Variants in SMAP2 observed in about 807,000 individuals in gnomAD.
The protein encoded by SMAP2 is stromal membrane-associated protein 2.
SMAP2 carries 25 observed loss-of-function variants against 56.4 expected under a neutral mutation model. The ratio of observed to expected loss-of-function variants is 0.44; its 90% CI spans 0.32 to 0.62. The LOEUF is 0.62. Among genes scored for constraint, SMAP2 ranks in the 20% least tolerant of loss-of-function variants. The probability of loss-of-function intolerance (pLI) is 0.04; values close to 1 mark genes in which losing one functional copy is unlikely to be tolerated. For missense variants in SMAP2, 388 were observed against 545.6 expected (o/e 0.71, Z 2.88); for synonymous variants, 157 against 181.7 (o/e 0.86, Z 1.09).
chr1:40,410,745 G>A (rs377353640), intron 4 of SMAP2, among the ~76,000 whole-genome samples: 1 of 152,104 alleles, frequency 6.6e-6, no homozygotes, highest in Non-Finnish European at 1.5e-5. Flanking sequence ...TAACACACAG[G>A]GGGACAGACA....
chr1:40,355,331 G>T (rs1478367579), intron 1 of SMAP2, among the ~76,000 whole-genome samples: 1 of 151,926 alleles, frequency 6.6e-6, no homozygotes, highest in African/African-American at 2.4e-5. Flanking sequence ...TTTTGTTTTG[G>T]TCTCTTTTTT....
chr1:40,371,868 G>T (rs1644497910), upstream of SMAP2, among the ~76,000 whole-genome samples: 1 of 152,184 alleles, frequency 6.6e-6, no homozygotes, highest in Non-Finnish European at 1.5e-5. Flanking sequence ...TACTATTAAT[G>T]TTATCATCAT....
At chr1:40,419,676 C>T (rs1436416164) in intron 9 of SMAP2, among the ~76,000 whole-genome samples, 3 of 152,220 alleles carry the variant, frequency 2.0e-5, no homozygotes, top group African/African-American at 7.2e-5. Context: ...ACATACCAGT[C>T]ATACCAGTAG....
chr1:40,383,496 C>G (rs1644620438), intron 1 of SMAP2, among the ~76,000 whole-genome samples: 1 of 152,116 alleles, frequency 6.6e-6, no homozygotes, highest in Admixed American at 6.5e-5. Flanking sequence ...ATTTCTTTCC[C>G]CTTATAGTAT....
At chr1:40,421,922 C>T (rs1645046990) in intron 9 of SMAP2, 54 bp from the exon 10 acceptor site, 1 of 1,611,406 alleles carries the variant, frequency 6.2e-7, no homozygotes, top group South Asian at 1.1e-5. Context: ...GCCTTTTGCA[C>T]TAATTGGCGG....
intron 1 of SMAP2, among the ~76,000 whole-genome samples, chr1:40,352,000 A>T (rs1339424814): frequency 2.0e-5 from 3 of 151,966 alleles, no homozygotes; most frequent in Non-Finnish European, 4.4e-5. Flanking sequence ...TCTCCCCAAG[A>T]CTGCACACAC....
chr1:40,416,525 G>A (rs1190673404), intron 8 of SMAP2, among the ~76,000 whole-genome samples, 184 bp downstream of exon 8: 1 of 152,212 alleles, frequency 6.6e-6, no homozygotes, highest in East Asian at 1.9e-4. Flanking sequence ...TACTTCTGTG[G>A]AGTCTGGGGT....
At chr1:40,371,108 G>T (rs983190639), upstream of SMAP2, among the ~76,000 whole-genome samples, 2 of 152,106 alleles carry the variant, frequency 1.3e-5, no homozygotes, top group African/African-American at 4.8e-5. Context: ...GGGAGGCGGA[G>T]GTTGCAGTGA....
chr1:40,408,787 G>T lies in SMAP2; in HGVS notation c.323+49G>T. On this transcript the variant is annotated intron_variant, in intron 3 of 9. Transcript: ENST00000372718. The surrounding 1 kb of genome is among the most constrained non-coding windows in gnomAD (Gnocchi z 4.3). ...AAGGCTGAGTGGTATTTTGATGCTT[G>T]GGGAGAGTCAGACAAGACTCCAGTC... 3 of 1,473,820 alleles carry T rather than the reference G, an allele frequency of 2.0e-6. No individual in the cohort carries two copies. In the African/African-American group the frequency reaches 4.2e-5, roughly 20 times the overall value. 91.3% of individuals were successfully genotyped at this position (1,473,820 alleles called of 1,614,324 possible).
At chr1:40,348,668 C>T (rs1644398701) in intron 1 of SMAP2, among the ~76,000 whole-genome samples, 1 of 150,246 alleles carries the variant, frequency 6.7e-6, no homozygotes, top group Non-Finnish European at 1.5e-5. Flanking sequence ...CAGAGGGAGA[C>T]TCTGTCCCCC....
intron 1 of SMAP2, among the ~76,000 whole-genome samples, chr1:40,376,827 C>A (rs549148782): frequency 6.6e-6 from 1 of 152,296 alleles, no homozygotes; most frequent in South Asian, 2.1e-4. Context: ...AGTGATTGCT[C>A]ATCTATTAAT....
intron 1 of SMAP2, among the ~76,000 whole-genome samples, chr1:40,379,292 G>A (rs1013179597): frequency 3.3e-5 from 5 of 152,002 alleles, no homozygotes; most frequent in African/African-American, 7.2e-5. Context: ...AATTTCTTAC[G>A]TGACTTTTAA....
At chr1:40,391,815 T>A (rs1420527297) in intron 1 of SMAP2, among the ~76,000 whole-genome samples, 1 of 152,162 alleles carries the variant, frequency 6.6e-6, no homozygotes, top group Non-Finnish European at 1.5e-5. Context: ...TTTTTGTTTT[T>A]AAATATATGA....
Position 40,415,293 on chromosome 1 carries a change from T to C in SMAP2, c.593T>C (p.Ile198Thr), listed in dbSNP as rs1264425312. 8.7e-6 allele frequency: 14 copies of C among 1,613,920 alleles called. No individual in the cohort carries two copies. The highest frequency in any genetic ancestry group is 2.7e-5 in the African/African-American group (2 of 75,046). Reference protein sequence around the residue: ...LGLDAPVACSIANSKTSNTLE... With the variant: ...LGLDAPVACSTANSKTSNTLE... ...CTAGATGCTCCTGTGGCCTGCTCCA[T>C]TGCAAATAGTAAGACCAGCAATACC... is the stretch of plus-strand genomic sequence containing the variant. The change falls in exon 7 of 10, where the codon ATT becomes ACT. Residue 198 changes from isoleucine to threonine, a missense_variant. Ile to Thr is a moderately conservative substitution (Grantham distance 89). Transcript: ENST00000372718.
At chr1:40,362,513 CTT>C in intron 2 of SMAP2, 1 of 152,194 alleles carries the variant, frequency 6.6e-6, no homozygotes, top group African/African-American at 2.4e-5. Context: ...GTTGGCAACT[CTT>C]TTTTTTCTCA....
At chr1:40,421,588 C>T (rs1048518694) in intron 9 of SMAP2, among the ~76,000 whole-genome samples, 8 of 152,208 alleles carry the variant, frequency 5.3e-5, no homozygotes, top group Middle Eastern at 3.4e-3. Context: ...GAAGATGAGG[C>T]GGGAGCACTG....
At chr1:40,417,223 G>GT in intron 9 of SMAP2, 127 bp downstream of exon 9, 1 of 548,038 alleles carries the variant, frequency 1.8e-6, no homozygotes. Flanking sequence ...ACATTGTTAG[G>GT]TTTGCTTTTT....
At chr1:40,359,097 G>T (rs1332814327) in intron 1 of SMAP2, among the ~76,000 whole-genome samples, 1 of 151,890 alleles carries the variant, frequency 6.6e-6, no homozygotes, top group Non-Finnish European at 1.5e-5. Context: ...CAGTCTATGT[G>T]TATCTTTTTT....
intron 1 of SMAP2, among the ~76,000 whole-genome samples, chr1:40,392,976 C>T (rs1644731723): frequency 6.6e-6 from 1 of 151,914 alleles, no homozygotes; most frequent in African/African-American, 2.4e-5. Context: ...GTGGCATGCA[C>T]CTGTAGTCCC....
Sources: gnomAD v4.1 joint callset for allele counts (sites outside exome capture counted in the v4.1 genomes callset) on GRCh38, gnomAD v4.1.1 for gene constraint, Gnocchi (gnomAD v3.1) non-coding constraint, MANE v1.5 for transcripts, NCBI Gene and HGNC (gene_info 2026-07-23, HGNC 2026-07-21) for gene names.